Variants in TANC2 observed in about 807,000 individuals in gnomAD.
TANC2 encodes tetratricopeptide repeat, ankyrin repeat and coiled-coil containing 2.
TANC2 carries 26 observed loss-of-function variants against 210.5 expected under a neutral mutation model. That is an observed-to-expected ratio of 0.12 (90% CI 0.09 to 0.17). TANC2 has a LOEUF of 0.17. TANC2 is among the 10% of genes least tolerant of loss of function. The probability of loss-of-function intolerance (pLI) is 1.00; values close to 1 mark genes in which losing one functional copy is unlikely to be tolerated. For missense variants in TANC2, 2,129 were observed against 2,608.9 expected (o/e 0.82, Z 4.01); for synonymous variants, 931 against 967.1 (o/e 0.96, Z 0.69).
intron 9 of TANC2, among the ~76,000 whole-genome samples, chr17:63,269,432 G>T (rs972702327): frequency 1.3e-5 from 2 of 152,104 alleles, no homozygotes; most frequent in South Asian, 2.1e-4. Flanking sequence ...ATGCACAGCC[G>T]TAATAAAGAA....
chr17:63,084,648 T>C (rs2036895045), intron 3 of TANC2, among the ~76,000 whole-genome samples: 1 of 152,116 alleles, frequency 6.6e-6, no homozygotes. Context: ...AATTTCAGTC[T>C]ATCACTGCAT....
chr17:63,291,566 C>T (rs763068546), intron 9 of TANC2, among the ~76,000 whole-genome samples: 4 of 151,964 alleles, frequency 2.6e-5, no homozygotes, highest in Non-Finnish European at 5.9e-5. Context: ...TAGGGATGGA[C>T]ATCATCATGT....
At chr17:63,358,593 C>T (rs1371754959) in intron 14 of TANC2, among the ~76,000 whole-genome samples, 3 of 152,096 alleles carry the variant, frequency 2.0e-5, no homozygotes, top group Non-Finnish European at 4.4e-5. Context: ...TTAATCTGTC[C>T]TATGTTTTAT....
intron 1 of TANC2, among the ~76,000 whole-genome samples, chr17:62,975,434 T>C (rs1450503171): frequency 6.6e-6 from 1 of 152,180 alleles, no homozygotes; most frequent in Non-Finnish European, 1.5e-5. Context: ...TGTAAATAGC[T>C]TTAGTGGGCC....
chr17:62,969,091 C>A (rs770127099), intron 1 of TANC2, among the ~76,000 whole-genome samples: 34 of 152,250 alleles, frequency 2.2e-4, no homozygotes, highest in Non-Finnish European at 4.4e-4. Flanking sequence ...TGAAAAAAAT[C>A]TGCATAGGAG....
intron 5 of TANC2, among the ~76,000 whole-genome samples, chr17:63,175,788 A>C (rs1366774920): frequency 6.6e-6 from 1 of 152,224 alleles, no homozygotes; most frequent in African/African-American, 2.4e-5. Flanking sequence ...CTTGATCCAA[A>C]ATAAATAAAC....
intron 4 of TANC2, among the ~76,000 whole-genome samples, chr17:63,131,203 GT>G (rs1165907625): frequency 6.6e-6 from 1 of 152,194 alleles, no homozygotes; most frequent in East Asian, 1.9e-4. Context: ...CTCCACCACA[GT>G]TTTTAAGTTC....
chr17:63,033,051 A>G (rs1307984188), intron 2 of TANC2, among the ~76,000 whole-genome samples: 2 of 152,330 alleles, frequency 1.3e-5, no homozygotes, highest in East Asian at 1.9e-4. Context: ...CAGAGAATCT[A>G]TATGAACAGC....
At chr17:62,999,903 A>G (rs550651505) in intron 1 of TANC2, among the ~76,000 whole-genome samples, 3 of 152,382 alleles carry the variant, frequency 2.0e-5, no homozygotes, top group South Asian at 2.1e-4. Context: ...CTATGCAGGC[A>G]TAAAAGAATG....
chr17:63,046,349 T>TTTTTTTTTTTTTTTTTG (rs2035381445), intron 2 of TANC2, among the ~76,000 whole-genome samples: 1 of 140,310 alleles, frequency 7.1e-6, no homozygotes, highest in African/African-American at 2.7e-5. Flanking sequence ...TTTTTTTTTT[T>TTTTTTTTTTTTTTTTTG]GAGATGGAGT....
intron 12 of TANC2, among the ~76,000 whole-genome samples, chr17:63,342,119 C>T (rs534360564): frequency 6.6e-6 from 1 of 152,078 alleles, no homozygotes. Context: ...TACCTGCCCC[C>T]CTCCAGTCAG....
intron 14 of TANC2, among the ~76,000 whole-genome samples, chr17:63,360,835 A>G (rs1323154696): frequency 1.3e-5 from 2 of 151,768 alleles, no homozygotes; most frequent in Non-Finnish European, 2.9e-5. Flanking sequence ...CCTACTCTCT[A>G]TCTCCATGAG....
At chr17:63,053,585 C>T (rs1304748509) in intron 2 of TANC2, among the ~76,000 whole-genome samples, 1 of 152,184 alleles carries the variant, frequency 6.6e-6, no homozygotes, top group South Asian at 2.1e-4. Flanking sequence ...ATACTCTTTC[C>T]TTGGGGATCT....
At chr17:63,102,403 CTGAT>C (rs1283099046) in intron 4 of TANC2, among the ~76,000 whole-genome samples, 1 of 148,166 alleles carries the variant, frequency 6.7e-6, no homozygotes, top group Non-Finnish European at 1.5e-5. Context: ...GGAGCCTACT[CTGAT>C]TGCAGGATTT....
chr17:62,997,295 T>TC (rs750819253), intron 1 of TANC2, among the ~76,000 whole-genome samples: 44 of 151,998 alleles, frequency 2.9e-4, no homozygotes, highest in Non-Finnish European at 4.9e-4. Flanking sequence ...GCACCACCAA[T>TC]ATTTTCATCG....
chr17:63,306,076 A>G (rs1422748995), intron 9 of TANC2, among the ~76,000 whole-genome samples: 1 of 152,226 alleles, frequency 6.6e-6, no homozygotes. Flanking sequence ...GTAATAAAGA[A>G]TTGGTCTGGC....
intron 8 of TANC2, among the ~76,000 whole-genome samples, chr17:63,246,093 T>C (rs1202994655): frequency 6.6e-6 from 1 of 151,990 alleles, no homozygotes; most frequent in African/African-American, 2.4e-5. Context: ...GAAATAGCAG[T>C]CCTAGGAAAC....
chr17:63,297,315 T>C (rs1328088168), intron 9 of TANC2, among the ~76,000 whole-genome samples: 1 of 151,626 alleles, frequency 6.6e-6, no homozygotes, highest in Non-Finnish European at 1.5e-5. Flanking sequence ...TTTCAAAACT[T>C]GTCATAAAGC....
intron 1 of TANC2, among the ~76,000 whole-genome samples, chr17:62,972,505 G>A (rs1382415079): frequency 6.6e-6 from 1 of 151,900 alleles, no homozygotes; most frequent in Non-Finnish European, 1.5e-5. Context: ...TGATCTTGTT[G>A]GTGTGTTTTT....
Sources: allele counts gnomAD v4.1 joint callset (sites outside exome capture counted in the v4.1 genomes callset), GRCh38; gene constraint gnomAD v4.1.1; transcripts MANE v1.5; gene names NCBI Gene and HGNC (gene_info 2026-07-23, HGNC 2026-07-21).